The following WDR7 variants were observed in gnomAD, a reference collection of about 807,000 sequenced individuals.
WDR7 encodes the protein WD repeat domain 7, also known as WD repeat-containing protein 7.
Under a neutral mutation model 169.4 loss-of-function variants are expected in WDR7, and 46 were observed. That is an observed-to-expected ratio of 0.27 (90% CI 0.21 to 0.35). The LOEUF is 0.35. WDR7 is among the 10% of genes least tolerant of loss of function. The pLI, the probability that WDR7 is intolerant of heterozygous loss-of-function variation, is 1.00. For synonymous variants in WDR7, 612 were observed against 666.8 expected (o/e 0.92, Z 1.27); for missense variants, 1,534 against 1,859.3 (o/e 0.83, Z 3.22).
Position 57,004,965 on chromosome 18 carries a change from C to G in WDR7, c.4165-15780C>G, listed in dbSNP as rs544486016. On this transcript the variant is annotated intron_variant, in intron 26 of 27. Transcript: ENST00000254442. The stretch of plus-strand genomic sequence containing the variant: ...CGTACTCACACCTTGAGTTGAAGGC[C>G]TGTATCATATTTAAAGAGTACTCTT... Among the ~76,000 whole-genome samples, 6 of 152,224 alleles carry G rather than the reference C, an allele frequency of 3.9e-5. No homozygotes were observed. In the South Asian group the frequency reaches 1.2e-3, roughly 32 times the overall value.
chr18:56,659,270 A>G (rs2024852011), intron 1 of WDR7, among the ~76,000 whole-genome samples: 1 of 152,252 alleles, frequency 6.6e-6, no homozygotes, highest in Non-Finnish European at 1.5e-5. Context: ...GTTGACAAGA[A>G]ACTGCCCTGT....
At chr18:57,021,946 G>A (rs4488537) in intron 27 of WDR7, among the ~76,000 whole-genome samples, 29,656 of 152,222 alleles carry the variant, frequency 0.19, 3,268 homozygotes, top group East Asian at 0.34. Context: ...TGCTATTAAA[G>A]CATGACAACT....
intron 12 of WDR7, among the ~76,000 whole-genome samples, chr18:56,699,100 C>T (rs1457787124): frequency 2.0e-5 from 3 of 151,734 alleles, no homozygotes; most frequent in African/African-American, 7.3e-5. Flanking sequence ...TTCAAAAGTC[C>T]TGATAAAGAC....
intron 14 of WDR7, among the ~76,000 whole-genome samples, chr18:56,749,427 T>G (rs1254017402): frequency 1.3e-5 from 2 of 151,602 alleles, no homozygotes; most frequent in East Asian, 3.9e-4. Context: ...AGATTTGTAA[T>G]ATTTCCTAGC....
chr18:56,672,527 C>A lies in WDR7; in HGVS notation c.12C>A (p.Asn4Lys). 6.4e-7 allele frequency: 1 copy of A among 1,563,142 alleles called. No homozygotes were observed. The highest frequency in any genetic ancestry group is 8.7e-7 in the Non-Finnish European group (1 of 1,155,766). Residue 4 changes from asparagine to lysine, a missense_variant, in exon 2 of 28, where the codon AAC (asparagine) becomes AAA (lysine). Asn to Lys is a moderately conservative substitution (Grantham distance 94). Transcript: ENST00000254442. ...AAAACACAAACACAATGGCAGGAAA[C>A]AGCCTTGTTCTACCCATTGTTCTTT... is the stretch of plus-strand genomic sequence containing the variant. MAG[N>K]SLVLPIVLWG...
At chr18:56,974,223 C>T (rs1240174810) in intron 26 of WDR7, among the ~76,000 whole-genome samples, 1 of 152,116 alleles carries the variant, frequency 6.6e-6, no homozygotes, top group Non-Finnish European at 1.5e-5. Flanking sequence ...CCTATTTCCA[C>T]TCTTATTGTA....
chr18:56,695,112 G>T lies in WDR7; in HGVS notation c.1271G>T (p.Gly424Val). 6.2e-7 allele frequency: 1 copy of T among 1,614,110 alleles called. No individual in the cohort carries two copies. Among genetic ancestry groups the T allele is most frequent in the Non-Finnish European group, 8.5e-7 (1 of 1,180,002 alleles). ...CCAGCACATGGACGACTTGTTTGTG[G>T]TCGTGAAGATGGAAGCATAGTTATT... ...YIPAHGRLVCGREDGSIVIVP... is the reference protein window; with the variant it reads ...YIPAHGRLVCVREDGSIVIVP... Residue 424 changes from glycine to valine, a missense_variant, in exon 11 of 28, where the codon GGT (glycine) becomes GTT (valine). Physicochemically the swap from Gly to Val is moderately radical, Grantham distance 109. Coordinates refer to ENST00000254442, the MANE Select transcript of WDR7 (RefSeq NM_015285.3).
Position 56,718,129 on chromosome 18 carries a change from G to T in WDR7, c.1744G>T (p.Gly582Cys). Residue 582 changes from glycine to cysteine, a missense_variant, in exon 13 of 28, where the codon GGT (glycine) becomes TGT (cysteine). By Grantham distance (159) the Gly-to-Cys change is radical. Transcript: ENST00000254442. The part of the protein sequence containing the change: ...DDYLVVGCSD[G>C]SVYVWQMDTG... ...TTACCTGGTGGTGGGGTGTTCAGAT[G>T]GTTCTGTGTACGTCTGGCAAATGGA... is the stretch of plus-strand genomic sequence containing the variant. The T allele has an allele frequency of 6.2e-7, 1 of 1,613,712 alleles. No homozygotes were observed. The highest frequency in any genetic ancestry group is 8.5e-7 in the Non-Finnish European group (1 of 1,179,826).
At chr18:56,871,467 A>T (rs2045952673) in intron 20 of WDR7, among the ~76,000 whole-genome samples, 1 of 152,152 alleles carries the variant, frequency 6.6e-6, no homozygotes, top group Non-Finnish European at 1.5e-5. Flanking sequence ...TATTTTTAAA[A>T]CTATGTCTTA....
At chr18:56,830,743 G>A (rs2045294349) in intron 20 of WDR7, among the ~76,000 whole-genome samples, 2 of 152,306 alleles carry the variant, frequency 1.3e-5, no homozygotes, top group African/African-American at 4.8e-5. Context: ...GTCTCGCTCT[G>A]TCGCCCAGGC....
intron 16 of WDR7, among the ~76,000 whole-genome samples, chr18:56,767,415 T>C (rs2044084605): frequency 6.6e-6 from 1 of 152,208 alleles, no homozygotes; most frequent in African/African-American, 2.4e-5. Flanking sequence ...GCTGGGCTGC[T>C]CACTTTGTTC....
Position 56,731,253 on chromosome 18 carries a change from A to T in WDR7, c.1775-130A>T, listed in dbSNP as rs1057049486. On this transcript the variant is annotated intron_variant, in intron 13 of 27. Coordinates refer to ENST00000254442, the MANE Select transcript of WDR7 (RefSeq NM_015285.3). ...AGATTGTTAGAGGAAGGAAGTACAA[A>T]AAAAAATTTCCAGGAGGCATTGATA... 4.8e-6 allele frequency: 5 copies of T among 1,045,408 alleles called. No individual in the cohort carries two copies. The Admixed American group carries it at 1.1e-4, about 23-fold the overall frequency. The allele number at this position is 1,045,408 out of a possible 1,614,324, so 64.8% of individuals were successfully genotyped here. A position where few individuals can be genotyped will look rare whatever the true frequency, so the allele number is the denominator to read the frequency against.
chr18:56,757,604 T>A (rs778144268), intron 15 of WDR7, among the ~76,000 whole-genome samples: 5 of 152,174 alleles, frequency 3.3e-5, no homozygotes, highest in Non-Finnish European at 5.9e-5. Context: ...GAGTTGGTCA[T>A]ATAGACTAGC....
chr18:56,793,203 T>G (rs745732928), intron 19 of WDR7, among the ~76,000 whole-genome samples: 2 of 152,236 alleles, frequency 1.3e-5, no homozygotes, highest in Non-Finnish European at 2.9e-5. Flanking sequence ...TATACTTCAT[T>G]ATTTTGAATT....
At chr18:56,838,909 T>C (rs1489366791) in intron 20 of WDR7, among the ~76,000 whole-genome samples, 1 of 152,180 alleles carries the variant, frequency 6.6e-6, no homozygotes, top group African/African-American at 2.4e-5. Context: ...AAAAGAAATA[T>C]GTTAAAGCAA....
At chr18:56,841,359 C>T (rs768364304) in intron 20 of WDR7, among the ~76,000 whole-genome samples, 2 of 151,748 alleles carry the variant, frequency 1.3e-5, no homozygotes, top group South Asian at 2.1e-4. Flanking sequence ...CTGGCCAACA[C>T]GGTGAAACCC....
chr18:56,763,170 A>C lies in WDR7; in HGVS notation c.2848+4217A>C, dbSNP rs188025673. 3.6e-3 allele frequency among the ~76,000 whole-genome samples: 550 copies of C among 152,236 alleles called. 6 individuals are homozygous for C. The highest frequency in any genetic ancestry group is 3.5e-3 in the East Asian group (18 of 5,178). On this transcript the variant is annotated intron_variant, in intron 16 of 27. Transcript: ENST00000254442. ...GAGACAGGGTTTCACCGTGTTAGCC[A>C]GGATGGTCTTGAGCTCCTGACCTCG...
At chr18:56,711,058 C>CT (rs796774673) in intron 12 of WDR7, among the ~76,000 whole-genome samples, 1,785 of 141,632 alleles carry the variant, frequency 0.013, 24 homozygotes, top group African/African-American at 0.04. Flanking sequence ...TTGTCCTTTG[C>CT]TTTTTTTTTT....
intron 18 of WDR7, among the ~76,000 whole-genome samples, chr18:56,781,028 G>T (rs914554969): frequency 6.6e-6 from 1 of 152,148 alleles, no homozygotes; most frequent in African/African-American, 2.4e-5. Context: ...GTTTAAGCAT[G>T]TCTTAGGTAT....
Sources: allele counts gnomAD v4.1 joint callset (sites outside exome capture counted in the v4.1 genomes callset), GRCh38; gene constraint gnomAD v4.1.1; transcripts MANE v1.5; gene names NCBI Gene and HGNC (gene_info 2026-07-23, HGNC 2026-07-21).